Variants in PPP2R2B observed in about 807,000 individuals in gnomAD.
PPP2R2B encodes the protein protein phosphatase 2 regulatory subunit Bbeta.
Under a neutral mutation model 46.0 loss-of-function variants are expected in PPP2R2B, and 5 were observed. The observed-to-expected ratio is 0.11, with a 90% CI of 0.06 to 0.23. The LOEUF (loss-of-function observed/expected upper bound fraction) is 0.23, where lower values mean the gene tolerates loss of function less well. Among genes scored for constraint, PPP2R2B ranks in the 10% least tolerant of loss-of-function variants. The pLI, the probability that PPP2R2B is intolerant of heterozygous loss-of-function variation, is 1.00. For synonymous variants in PPP2R2B, 215 were observed against 206.7 expected (o/e 1.04, Z -0.34); for missense variants, 367 against 575.0 (o/e 0.64, Z 3.70).
intron 7 of PPP2R2B, among the ~76,000 whole-genome samples, chr5:146,631,426 A>G (rs1009977412): frequency 1.3e-5 from 2 of 152,076 alleles, no homozygotes; most frequent in African/African-American, 4.8e-5. Flanking sequence ...ATCATTTCGC[A>G]TGCTGCTTTA....
chr5:147,043,416 G>GT (rs1756404031), intron 1 of PPP2R2B, among the ~76,000 whole-genome samples: 1 of 152,056 alleles, frequency 6.6e-6, no homozygotes, highest in African/African-American at 2.4e-5. Context: ...AAAAGACCAC[G>GT]TGAGGACTCA....
intron 1 of PPP2R2B, among the ~76,000 whole-genome samples, chr5:146,906,691 C>T (rs1408196422): frequency 6.6e-6 from 1 of 152,114 alleles, no homozygotes; most frequent in Non-Finnish European, 1.5e-5. Flanking sequence ...AGAGTGATAT[C>T]TCAATATATG....
rs530939578 is a variant in PPP2R2B at position 146,894,472 on chromosome 5, C to T, written c.79+161193G>A. On this transcript the variant is annotated intron_variant, in intron 1 of 8. Transcript: ENST00000336640. The stretch of plus-strand genomic sequence containing the variant: ...TTTTTATTTTTGAGACAAGGTCTTG[C>T]TCTCTCACCTAGGCTGGAGTGCAGT... 3.9e-5 allele frequency among the ~76,000 whole-genome samples: 6 copies of T among 152,248 alleles called. No homozygotes were observed. The South Asian group carries it at 1.0e-3, about 26-fold the overall frequency.
chr5:146,642,371 T>A (rs945337363), intron 6 of PPP2R2B, among the ~76,000 whole-genome samples: 3 of 152,090 alleles, frequency 2.0e-5, no homozygotes, highest in Non-Finnish European at 4.4e-5. Context: ...TGGTAAGAGG[T>A]AGCATGGGGG....
chr5:146,609,414 G>A (rs1772623747), intron 7 of PPP2R2B, among the ~76,000 whole-genome samples: 2 of 152,220 alleles, frequency 1.3e-5, no homozygotes, highest in Non-Finnish European at 2.9e-5. Flanking sequence ...AATTATCCTT[G>A]TTTGCCAATG....
intron 1 of PPP2R2B, among the ~76,000 whole-genome samples, chr5:146,989,842 G>C (rs1268953735): frequency 6.6e-6 from 1 of 151,804 alleles, no homozygotes; most frequent in Non-Finnish European, 1.5e-5. Flanking sequence ...CATATACATA[G>C]AAAATCCTAA....
intron 1 of PPP2R2B, among the ~76,000 whole-genome samples, chr5:146,973,299 C>A (rs1317451575): frequency 2.0e-5 from 3 of 152,160 alleles, no homozygotes; most frequent in Non-Finnish European, 2.9e-5. Context: ...ATTTAAATTC[C>A]CATGTTCTTT....
At chr5:146,810,468 C>T (rs906138684) in intron 2 of PPP2R2B, among the ~76,000 whole-genome samples, 1 of 152,088 alleles carries the variant, frequency 6.6e-6, no homozygotes, top group African/African-American at 2.4e-5. Context: ...CAACAGGAGG[C>T]AATTATGGGA....
At chr5:146,902,836 G>T (rs1189203370) in intron 1 of PPP2R2B, among the ~76,000 whole-genome samples, 2 of 144,440 alleles carry the variant, frequency 1.4e-5, no homozygotes, top group African/African-American at 5.3e-5. Flanking sequence ...TGCTACACTG[G>T]AATCAGTTTA....
chr5:146,962,879 G>T (rs1271210460), intron 1 of PPP2R2B, among the ~76,000 whole-genome samples: 2 of 152,080 alleles, frequency 1.3e-5, no homozygotes, highest in Non-Finnish European at 2.9e-5. Context: ...TGTCTCATAA[G>T]TCACCATGCC....
intron 6 of PPP2R2B, among the ~76,000 whole-genome samples, chr5:146,646,070 A>G (rs142317785): frequency 9.2e-4 from 140 of 152,322 alleles, no homozygotes; most frequent in Non-Finnish European, 1.5e-3. Context: ...ATAGAACCAT[A>G]TTCCCTGTCT....
At chr5:146,939,586 T>C (rs1280850496) in intron 1 of PPP2R2B, among the ~76,000 whole-genome samples, 6 of 152,194 alleles carry the variant, frequency 3.9e-5, no homozygotes, top group Non-Finnish European at 5.9e-5. Flanking sequence ...AGGCTCCACT[T>C]TAAGGGGAAA....
chr5:146,724,145 G>T (rs756489044), intron 2 of PPP2R2B, among the ~76,000 whole-genome samples: 40 of 152,124 alleles, frequency 2.6e-4, no homozygotes, highest in Non-Finnish European at 5.1e-4. Flanking sequence ...AAAAAGGCAG[G>T]TTGTCTATGT....
At chr5:146,757,456 C>A (rs928142387) in intron 2 of PPP2R2B, among the ~76,000 whole-genome samples, 1 of 152,080 alleles carries the variant, frequency 6.6e-6, no homozygotes, top group African/African-American at 2.4e-5. Context: ...CACATACCAG[C>A]AGAGAACTAC....
chr5:146,674,799 C>A (rs530788856), intron 5 of PPP2R2B, among the ~76,000 whole-genome samples: 2 of 152,294 alleles, frequency 1.3e-5, no homozygotes, highest in South Asian at 4.1e-4. Context: ...CAGTCTCCCC[C>A]AAAGTGTTAT....
intron 1 of PPP2R2B, among the ~76,000 whole-genome samples, chr5:146,969,697 T>A (rs1392144707): frequency 6.6e-6 from 1 of 152,140 alleles, no homozygotes; most frequent in Non-Finnish European, 1.5e-5. Context: ...CTGGACAAAG[T>A]GATTGATTAT....
intron 2 of PPP2R2B, among the ~76,000 whole-genome samples, chr5:146,734,173 C>A (rs6580440): frequency 0.087 from 13,248 of 151,640 alleles, 1,347 homozygotes; most frequent in African/African-American, 0.25. Context: ...CTCCCACCTT[C>A]GCCTCCCAAG....
chr5:146,589,392 A>C lies in PPP2R2B; in HGVS notation c.*555T>G, dbSNP rs1770370222. On this transcript the variant is annotated 3_prime_UTR_variant, in exon 10 of 10. Coordinates refer to ENST00000394411, the MANE Select transcript of PPP2R2B (RefSeq NM_181675.4). ...TGCATCCTCTTCTCAGCTTCATGCA[A>C]TAAATCTCTGGCTTAAATGAAATTG... 6.5e-6 allele frequency: 1 copy of C among 154,030 alleles called. No individual in the cohort carries two copies. The highest frequency in any genetic ancestry group is 2.0e-4 in the South Asian group (1 of 4,908). The allele number at this position is 154,030 out of a possible 1,614,324, so 9.5% of individuals were successfully genotyped here.
chr5:147,006,716 A>C (rs1453568746), intron 1 of PPP2R2B, among the ~76,000 whole-genome samples: 1 of 152,170 alleles, frequency 6.6e-6, no homozygotes, highest in African/African-American at 2.4e-5. Context: ...CTCCAAAACC[A>C]CCGAGGCCTA....
Sources: gnomAD v4.1 joint callset for allele counts (sites outside exome capture counted in the v4.1 genomes callset) on GRCh38, gnomAD v4.1.1 for gene constraint, MANE v1.5 for transcripts, NCBI Gene and HGNC (gene_info 2026-07-23, HGNC 2026-07-21) for gene names.